Variants in PUS3 observed in about 807,000 individuals in gnomAD.
The protein encoded by PUS3 is pseudouridine synthase 3, also known as tRNA pseudouridine(38/39) synthase.
Under a neutral mutation model 43.3 loss-of-function variants are expected in PUS3, and 36 were observed. That is an observed-to-expected ratio of 0.83 (90% CI 0.64 to 1.10). The LOEUF (loss-of-function observed/expected upper bound fraction) is 1.10. PUS3 is among the 50% of genes least tolerant of loss of function. The probability of loss-of-function intolerance (pLI) is 0.00; values close to 1 mark genes in which losing one functional copy is unlikely to be tolerated. For synonymous variants in PUS3, 183 were observed against 199.2 expected, an observed-to-expected ratio of 0.92 and a Z score of 0.69; for missense variants, 544 against 589.9, an observed-to-expected ratio of 0.92 and a Z score of 0.81.
intron 1 of PUS3, chr11:125,900,012 G>A (rs763100017): frequency 2.5e-5 from 40 of 1,614,076 alleles, no homozygotes; most frequent in African/African-American, 2.7e-5. Context: ...CGGGTAGCCC[G>A]GTATTTTGAG....
chr11:125,903,053 CA>C (rs1415424866), intron 1 of PUS3, 116 bp downstream of exon 1: 6 of 354,342 alleles, frequency 1.7e-5, no homozygotes, highest in African/African-American at 1.3e-4. Context: ...CTGAAAAGAC[CA>C]AAGTATGTGA....
In PUS3 at chr11:125,895,929, T is replaced by G. The variant is rs1165614677; in HGVS notation, c.356A>C (p.Lys119Thr). ...SNYHRCGRTDKGVSAFGQVIS... is the reference protein window; with the variant it reads ...SNYHRCGRTDTGVSAFGQVIS... ...TACCTGTCCAAAGGCACTAACTCCT[T>G]TATCTGTTCTCCCACATCGGTGATA... Residue 119 changes from lysine (K) to threonine (T), a missense_variant, in exon 2 of 4, where the codon AAA becomes ACA. Coordinates refer to ENST00000227474, the MANE Select transcript of PUS3 (RefSeq NM_031307.4). The G allele has an allele frequency of 6.2e-7, 1 of 1,613,548 alleles. No homozygotes were observed. The highest frequency in any genetic ancestry group is 1.1e-5 in the South Asian group (1 of 91,082).
chr11:125,898,535 C>T (rs145147777), intron 1 of PUS3, among the ~76,000 whole-genome samples: 4 of 152,118 alleles, frequency 2.6e-5, no homozygotes, highest in African/African-American at 7.2e-5. Flanking sequence ...ATTAGCCAGG[C>T]GTGGTGGCCC....
chr11:125,899,619 A>C, intron 1 of PUS3: 1 of 1,614,166 alleles, frequency 6.2e-7, no homozygotes. Flanking sequence ...ACAGTCTCTG[A>C]GGCCTCCCAA....
chr11:125,901,808 T>TG (rs1209455946), intron 1 of PUS3, among the ~76,000 whole-genome samples: 2 of 152,136 alleles, frequency 1.3e-5, no homozygotes, highest in African/African-American at 4.8e-5. Context: ...TTGGGAATCT[T>TG]GGGAAAGTAA....
chr11:125,902,155 C>T (rs1277390196), intron 1 of PUS3, among the ~76,000 whole-genome samples: 1 of 152,120 alleles, frequency 6.6e-6, no homozygotes, highest in African/African-American at 2.4e-5. Context: ...TTCCAGCACA[C>T]CTTACCCTAA....
In PUS3 at chr11:125,894,100, T is replaced by G; in HGVS notation, c.1131A>C (p.Gly377=). Residue 377 remains glycine (G), a synonymous_variant, in exon 4 of 4, where the codon GGA becomes GGC. Coordinates refer to ENST00000227474, the MANE Select transcript of PUS3 (RefSeq NM_031307.4). ...QGLDTVPVPC[G]IGPKMDGMTE... is the part of the protein sequence containing the mutation. ...TCATTCCATCCATCTTTGGTCCTAT[T>G]CCACAGGGTACTGGAACAGTGTCCA... The G allele has an allele frequency of 6.2e-7, 1 of 1,614,144 alleles. No homozygotes were observed. Among genetic ancestry groups the G allele is most frequent in the Non-Finnish European group, 8.5e-7 (1 of 1,180,020 alleles).
rs1218855466 is a variant in PUS3, at chr11:125,900,250, C to T, written c.-47+2920G>A. 6.2e-7 allele frequency: 1 copy of T among 1,614,150 alleles called. No homozygotes were observed. The highest frequency in any genetic ancestry group is 1.7e-5 in the Admixed American group (1 of 60,016). The stretch of plus-strand genomic sequence containing the variant: ...GTGTCATACCCAGGAAGCTTCCCTT[C>T]CCTCTTTCTCCTTCTTAAATCTTTT... On this transcript the variant is annotated intron_variant, in intron 1 of 3. Coordinates refer to ENST00000227474, the MANE Select transcript of PUS3 (RefSeq NM_031307.4).
Position 125,903,159 on chromosome 11 carries a change from C to A in PUS3, c.-47+11G>T. ...CCAGAAAGTAACCCACTCCAAAAAT[C>A]CCACACTTACTTTCCGGCAGCCGGC... On this transcript the variant is annotated intron_variant, in intron 1 of 3. Transcript: ENST00000227474. 1 of 985,096 alleles carries A rather than the reference C, an allele frequency of 1.0e-6. No homozygotes were observed. Among genetic ancestry groups the A allele is most frequent in the Non-Finnish European group, 1.2e-6 (1 of 829,572 alleles). The allele number at this position is 985,096 out of a possible 1,614,324, so 61.0% of individuals were successfully genotyped here.
In PUS3 at chr11:125,896,195, C is replaced by A; in HGVS notation, c.90G>T (p.Lys30Asn). 6.2e-7 allele frequency: 1 copy of A among 1,614,068 alleles called. No homozygotes were observed. Among genetic ancestry groups the A allele is most frequent in the Non-Finnish European group, 8.5e-7 (1 of 1,180,008 alleles). Residue 30 changes from lysine to asparagine, a missense_variant, in exon 2 of 4, where the codon AAG (lysine) becomes AAT (asparagine). Physicochemically the swap from Lys to Asn is moderately conservative, Grantham distance 94. Coordinates refer to ENST00000227474, the MANE Select transcript of PUS3 (RefSeq NM_031307.4). ...ELEQEVQRLK[K>N]EQAKNKEDSN... is the part of the protein sequence containing the mutation. ...AGTCCTCCTTATTTTTGGCCTGTTCCTTTTTAAGTCTTTGCACCTCTTGCT... is the reference window on the plus strand; with the variant it reads ...AGTCCTCCTTATTTTTGGCCTGTTCATTTTTAAGTCTTTGCACCTCTTGCT...
intron 1 of PUS3, chr11:125,900,458 C>A: frequency 3.4e-6 from 2 of 596,636 alleles, no homozygotes; most frequent in South Asian, 2.0e-5. Context: ...CCACTCAAAT[C>A]CAGCAATTGC....
At chr11:125,894,768 T>C (rs1371486806) in intron 3 of PUS3, among the ~76,000 whole-genome samples, 2 of 152,206 alleles carry the variant, frequency 1.3e-5, no homozygotes, top group Non-Finnish European at 2.9e-5. Flanking sequence ...AGATTTAATA[T>C]GAATAGTTTG....
At chr11:125,898,428 G>GT (rs576541202) in intron 1 of PUS3, among the ~76,000 whole-genome samples, 57 of 152,278 alleles carry the variant, frequency 3.7e-4, no homozygotes, top group African/African-American at 1.3e-3. Context: ...GCTCACCCCT[G>GT]TAATGGGAGG....
chr11:125,893,647 C>A lies in PUS3; in HGVS notation c.*138G>T. On this transcript the variant is annotated 3_prime_UTR_variant, in exon 4 of 4. Transcript: ENST00000227474. ...TAAAGCAATAACTTCCTTAATAGGG[C>A]TTTAGTCTTTTTGCTTTTTTTTTTC... 2 of 678,186 alleles carry A rather than the reference C, an allele frequency of 2.9e-6. No homozygotes were observed. The highest frequency in any genetic ancestry group is 4.7e-6 in the Non-Finnish European group (2 of 429,976). The allele number at this position is 678,186 out of a possible 1,614,324, so 42.0% of individuals were successfully genotyped here.
intron 1 of PUS3, chr11:125,899,583 A>G: frequency 6.2e-7 from 1 of 1,614,108 alleles, no homozygotes; most frequent in East Asian, 2.2e-5. Flanking sequence ...CAGTACCCAC[A>G]TGTAGAAAGT....
chr11:125,900,344 C>T lies in PUS3; in HGVS notation c.-47+2826G>A, dbSNP rs145788945. On this transcript the variant is annotated intron_variant, in intron 1 of 3. Coordinates refer to ENST00000227474, the MANE Select transcript of PUS3 (RefSeq NM_031307.4). ...TATCTTCCCTTTTAAATAGAAACAA[C>T]TGTCTTGAGAAGCTCTTCGAAACAT... The T allele has an allele frequency of 2.9e-3, 4,176 of 1,424,952 alleles. 16 individuals are homozygous for T. The highest frequency in any genetic ancestry group is 3.5e-3 in the Non-Finnish European group (3,594 of 1,012,848). 88.3% of individuals were successfully genotyped at this position (1,424,952 alleles called of 1,614,324 possible).
intron 1 of PUS3, among the ~76,000 whole-genome samples, chr11:125,902,180 C>A (rs1944790869): frequency 6.6e-6 from 1 of 152,092 alleles, no homozygotes; most frequent in Non-Finnish European, 1.5e-5. Context: ...GGGTGAAGTG[C>A]AGGAGTTCCC....
Position 125,899,383 on chromosome 11 carries a change from A to C in PUS3, c.-46-3053T>G, listed in dbSNP as rs759153895. 22 of 1,613,972 alleles carry C rather than the reference A, an allele frequency of 1.4e-5. No homozygotes were observed. The Middle Eastern group carries it at 4.9e-4, about 36-fold the overall frequency. On this transcript the variant is annotated intron_variant, in intron 1 of 3. Coordinates refer to ENST00000227474, the MANE Select transcript of PUS3 (RefSeq NM_031307.4). ...TAGGGGAAGCAATGGAAGAACTTCTACCTGATGGACAAATATGGGCTAATA... is the reference window on the plus strand; with the variant it reads ...TAGGGGAAGCAATGGAAGAACTTCTCCCTGATGGACAAATATGGGCTAATA...
At chr11:125,900,272 T>G in intron 1 of PUS3, 1 of 1,613,676 alleles carries the variant, frequency 6.2e-7, no homozygotes, top group Non-Finnish European at 8.5e-7. Context: ...TTCTTAAATC[T>G]TTTTAAACTT....
Sources: gnomAD v4.1 joint callset for allele counts (sites outside exome capture counted in the v4.1 genomes callset) on GRCh38, gnomAD v4.1.1 for gene constraint, MANE v1.5 for transcripts, NCBI Gene and HGNC (gene_info 2026-07-23, HGNC 2026-07-21) for gene names.